The following PTCHD4 variants were observed in gnomAD, a reference collection of about 807,000 sequenced individuals.
PTCHD4 encodes the protein patched domain-containing protein 4.
PTCHD4 carries 33 observed loss-of-function variants against 58.1 expected under a neutral mutation model. That is an observed-to-expected ratio of 0.57 (90% CI 0.43 to 0.76). The LOEUF (loss-of-function observed/expected upper bound fraction) is 0.76. PTCHD4 is among the 30% of genes least tolerant of loss of function. The pLI, the probability that PTCHD4 is intolerant of heterozygous loss-of-function variation, is 0.00. For synonymous variants in PTCHD4, 478 were observed against 409.6 expected, an observed-to-expected ratio of 1.17 and a Z score of -2.02; for missense variants, 1,058 against 1,027.1, an observed-to-expected ratio of 1.03 and a Z score of -0.41.
At chr6:47,992,119 CA>C (rs1768300615) in intron 4 of PTCHD4, among the ~76,000 whole-genome samples, 1 of 152,042 alleles carries the variant, frequency 6.6e-6, no homozygotes, top group Non-Finnish European at 1.5e-5. Flanking sequence ...AGTACAAAAA[CA>C]ATGGAGAAAC....
At position 48,042,444 on chromosome 6, in the gene PTCHD4, A is replaced by G. The variant is rs566980636; in HGVS notation, c.417+25786T>C. ...CTAAAGGCAAATGCAATACAACACA[A>G]TATAATACAGGGCACCTCCATGCAA... On this transcript the variant is annotated intron_variant, in intron 3 of 4. Coordinates refer to ENST00000339488, the MANE Select transcript of PTCHD4 (RefSeq NM_001384253.1). Among the ~76,000 whole-genome samples the G allele has an allele frequency of 4.6e-5, 7 of 152,092 alleles. No homozygotes were observed. In the South Asian group the frequency reaches 8.3e-4, roughly 18 times the overall value.
intron 4 of PTCHD4, among the ~76,000 whole-genome samples, chr6:47,976,051 T>A (rs1476115055): frequency 1.3e-5 from 2 of 152,214 alleles, no homozygotes; most frequent in Non-Finnish European, 2.9e-5. Flanking sequence ...TGCTTATGTT[T>A]TCTGCTTTGG....
chr6:48,009,136 G>C (rs1162377892), intron 3 of PTCHD4, 22 bp from the exon 4 acceptor site: 2 of 1,578,806 alleles, frequency 1.3e-6, no homozygotes, highest in East Asian at 4.5e-5. Flanking sequence ...AAAAAGAAGA[G>C]ACTTCAGTTA....
chr6:48,079,970 ATTTTTTTTT>A (rs141629864), intron 1 of PTCHD4, among the ~76,000 whole-genome samples: 16 of 76,142 alleles, frequency 2.1e-4, no homozygotes, highest in African/African-American at 4.8e-4. Context: ...CCTTATGATG[ATTTTTTTTT>A]TTTTTTTTTT....
rs1005179390 is a variant in PTCHD4, at chr6:47,862,779, T to A, written c.*15524A>T. 6.6e-6 allele frequency among the ~76,000 whole-genome samples: 1 copy of A among 151,868 alleles called. No individual in the cohort carries two copies. Among genetic ancestry groups the A allele is most frequent in the African/African-American group, 2.4e-5 (1 of 41,424 alleles). Reference sequence around the variant, plus strand: ...TTCCACACAGACCCATTAATACTGTTTCCTTTGGAATTGTAATACTCATCT... The same window carrying A: ...TTCCACACAGACCCATTAATACTGTATCCTTTGGAATTGTAATACTCATCT... On this transcript the variant is annotated 3_prime_UTR_variant, in exon 5 of 5. Transcript: ENST00000339488.
At chr6:47,998,837 A>C (rs563696352) in intron 4 of PTCHD4, among the ~76,000 whole-genome samples, 2 of 152,300 alleles carry the variant, frequency 1.3e-5, no homozygotes, top group Admixed American at 1.3e-4. Context: ...AAAGCTCTAA[A>C]AGAAGAACAG....
intron 4 of PTCHD4, among the ~76,000 whole-genome samples, chr6:47,941,837 A>G (rs1766238779): frequency 6.6e-6 from 1 of 152,330 alleles, no homozygotes; most frequent in South Asian, 2.1e-4. Flanking sequence ...AGAAAATTTA[A>G]AAATTAATTA....
At chr6:48,101,230 G>A (rs1299305349) in intron 1 of PTCHD4, among the ~76,000 whole-genome samples, 1 of 152,034 alleles carries the variant, frequency 6.6e-6, no homozygotes, top group Non-Finnish European at 1.5e-5. Context: ...AATGGCTGTG[G>A]CAACAGTGAT....
At chr6:48,092,791 G>A (rs1325269150) in intron 1 of PTCHD4, among the ~76,000 whole-genome samples, 2 of 152,180 alleles carry the variant, frequency 1.3e-5, no homozygotes, top group African/African-American at 4.8e-5. Flanking sequence ...TCCCTAGCAT[G>A]GGAATGGGTC....
intron 4 of PTCHD4, among the ~76,000 whole-genome samples, chr6:47,982,352 C>T (rs186243563): frequency 3.9e-5 from 6 of 152,168 alleles, no homozygotes; most frequent in Admixed American, 3.9e-4. Flanking sequence ...TCTCTGGGCC[C>T]TTCACGGTGC....
chr6:47,976,641 C>T (rs1322947731), intron 4 of PTCHD4, among the ~76,000 whole-genome samples: 5 of 146,280 alleles, frequency 3.4e-5, no homozygotes, highest in South Asian at 4.4e-4. Context: ...GCCACAAGAG[C>T]GGGACTCCAT....
At chr6:48,063,265 A>T (rs1764693446) in intron 3 of PTCHD4, among the ~76,000 whole-genome samples, 1 of 152,174 alleles carries the variant, frequency 6.6e-6, no homozygotes, top group South Asian at 2.1e-4. Flanking sequence ...AGAATTTGCT[A>T]AACTCTCCAC....
At chr6:48,107,946 AAAC>A (rs2113920170) in intron 1 of PTCHD4, among the ~76,000 whole-genome samples, 1 of 152,268 alleles carries the variant, frequency 6.6e-6, no homozygotes, top group African/African-American at 2.4e-5. Context: ...AAAAGTCAGG[AAAC>A]AACAGGTGCT....
intron 4 of PTCHD4, chr6:47,901,690 A>G (rs1360080): frequency 0.51 from 589,432 of 1,157,752 alleles, 153,093 homozygotes; most frequent in East Asian, 0.75. Flanking sequence ...GAGGATACTT[A>G]ACCTCCAAAA....
intron 3 of PTCHD4, among the ~76,000 whole-genome samples, chr6:48,045,814 G>T (rs913034693): frequency 6.7e-6 from 1 of 149,462 alleles, no homozygotes; most frequent in Non-Finnish European, 1.5e-5. Context: ...GCAGCTTTGA[G>T]TACAGAGATT....
At chr6:48,106,185 T>C (rs569896298) in intron 1 of PTCHD4, among the ~76,000 whole-genome samples, 35 of 152,216 alleles carry the variant, frequency 2.3e-4, no homozygotes, top group African/African-American at 8.2e-4. Context: ...TGATGAACAT[T>C]GATGCAAAAA....
chr6:48,079,970 ATTTTTTTTTTTTTTTT>A (rs141629864), intron 1 of PTCHD4, among the ~76,000 whole-genome samples: 788 of 76,184 alleles, frequency 0.01, 20 homozygotes, highest in African/African-American at 0.032. Flanking sequence ...CCTTATGATG[ATTTTTTTTTTTTTTTT>A]TTTTTTTTTT....
rs1763840837 is a variant in PTCHD4 at position 47,876,054 on chromosome 6, C to T, written c.*2249G>A. Among the ~76,000 whole-genome samples the T allele has an allele frequency of 6.6e-6, 1 of 151,538 alleles. No homozygotes were observed. The highest frequency in any genetic ancestry group is 2.4e-5 in the African/African-American group (1 of 41,290). ...ATGGGTAATCTGTAAGAGGAATTCT[C>T]CTCCTCCCTGCACCCCCACTACAAA... On this transcript the variant is annotated 3_prime_UTR_variant, in exon 5 of 5. Coordinates refer to ENST00000339488, the MANE Select transcript of PTCHD4 (RefSeq NM_001384253.1).
Position 48,023,976 on chromosome 6 carries a change from A to G in PTCHD4, c.418-14862T>C, listed in dbSNP as rs973551688. ...GTGGTTTGGCTTTAACATTCAGAGA[A>G]CTTGAGTTTGAATGCTGACTTGAGC... is the stretch of plus-strand genomic sequence containing the variant. On this transcript the variant is annotated intron_variant, in intron 3 of 4. Coordinates refer to ENST00000339488, the MANE Select transcript of PTCHD4 (RefSeq NM_001384253.1). Among the ~76,000 whole-genome samples the G allele has an allele frequency of 1.4e-4, 21 of 152,118 alleles. 1 individual carries two copies. The highest frequency in any genetic ancestry group is 9.8e-4 in the Admixed American group (15 of 15,264).
Sources: gnomAD v4.1 joint callset for allele counts (sites outside exome capture counted in the v4.1 genomes callset) on GRCh38, gnomAD v4.1.1 for gene constraint, MANE v1.5 for transcripts, NCBI Gene and HGNC (gene_info 2026-07-23, HGNC 2026-07-21) for gene names.